Variants in PACSIN2 observed in about 807,000 individuals in gnomAD.
The protein encoded by PACSIN2 is protein kinase C and casein kinase substrate in neurons 2, also known as protein kinase C and casein kinase substrate in neurons protein 2.
In PACSIN2, 25 loss-of-function variants were observed where a neutral mutation model predicts 63.8. The observed-to-expected ratio is 0.39, with a 90% CI of 0.29 to 0.55. The LOEUF is 0.55. Among genes scored for constraint, PACSIN2 ranks in the 20% least tolerant of loss-of-function variants. The pLI, the probability that PACSIN2 is intolerant of heterozygous loss-of-function variation, is 0.62. For synonymous variants in PACSIN2, 255 were observed against 256.2 expected (o/e 1.00, Z 0.05); for missense variants, 518 against 646.9 (o/e 0.80, Z 2.16).
intron 1 of PACSIN2, among the ~76,000 whole-genome samples, chr22:43,014,038 C>T (rs1294194531): frequency 6.6e-6 from 1 of 152,150 alleles, no homozygotes; most frequent in African/African-American, 2.4e-5. Flanking sequence ...GCTCCCCTGA[C>T]CAACCAACTC....
rs533674150 is a variant in PACSIN2 at position 42,907,116 on chromosome 22, C to T, written c.60+4905G>A. 3.3e-5 allele frequency among the ~76,000 whole-genome samples: 5 copies of T among 152,326 alleles called. No homozygotes were observed. The South Asian group carries it at 1.0e-3, about 32-fold the overall frequency. On this transcript the variant is annotated intron_variant, in intron 2 of 10. Coordinates refer to ENST00000263246, the MANE Select transcript of PACSIN2 (RefSeq NM_001184970.3). ...CTCCAAGCCACACCAGGCAGGGTCACAGATCTTTGTGGATGGGAGCCTGGG... is the reference window on the plus strand; with the variant it reads ...CTCCAAGCCACACCAGGCAGGGTCATAGATCTTTGTGGATGGGAGCCTGGG...
chr22:42,980,612 G>T (rs1366513732), intron 1 of PACSIN2, among the ~76,000 whole-genome samples: 3 of 132,322 alleles, frequency 2.3e-5, no homozygotes, highest in African/African-American at 5.7e-5. Flanking sequence ...TCAGCCTGCC[G>T]AGTGCCTGCG....
intron 1 of PACSIN2, among the ~76,000 whole-genome samples, chr22:42,913,480 C>CA (rs138842796): frequency 0.019 from 1,704 of 91,842 alleles, 6 homozygotes; most frequent in Non-Finnish European, 0.025. Context: ...ACTCCGTCTC[C>CA]AAAAAAAAAA....
chr22:42,966,127 T>G (rs1920952792), intron 1 of PACSIN2, among the ~76,000 whole-genome samples: 1 of 152,140 alleles, frequency 6.6e-6, no homozygotes, highest in Admixed American at 6.5e-5. Flanking sequence ...ATCCCAGCAC[T>G]TTGGGAGGCT....
At chr22:43,010,398 A>ATT (rs1555950816) in intron 1 of PACSIN2, among the ~76,000 whole-genome samples, 4,328 of 126,390 alleles carry the variant, frequency 0.034, 318 homozygotes, top group African/African-American at 0.12. Flanking sequence ...ATATATATAT[A>ATT]TTTTTTTTTA....
chr22:42,997,626 A>G (rs1191869352), intron 1 of PACSIN2, among the ~76,000 whole-genome samples: 1 of 152,090 alleles, frequency 6.6e-6, no homozygotes, highest in Non-Finnish European at 1.5e-5. Flanking sequence ...ATTGAATTGC[A>G]TGCAAAAATG....
chr22:43,006,087 T>G (rs78755475), intron 1 of PACSIN2, among the ~76,000 whole-genome samples: 1,683 of 152,190 alleles, frequency 0.011, 29 homozygotes, highest in African/African-American at 0.038. Flanking sequence ...GCCACTGCAC[T>G]CAGCCACTCA....
chr22:43,001,424 T>G (rs944917658), intron 1 of PACSIN2, among the ~76,000 whole-genome samples: 1 of 152,224 alleles, frequency 6.6e-6, no homozygotes, highest in African/African-American at 2.4e-5. Context: ...ATTTCCACAC[T>G]TGTGATAAAA....
Position 42,906,841 on chromosome 22 carries a change from A to G in PACSIN2, c.60+5180T>C, listed in dbSNP as rs974750522. Among the ~76,000 whole-genome samples, 3 of 152,272 alleles carry G rather than the reference A, an allele frequency of 2.0e-5. No homozygotes were observed. The East Asian group carries it at 5.8e-4, about 29-fold the overall frequency. ...TACATTTTGTGTGTAACATCGGGGT[A>G]GGAAAAAGAGTTTTTGCCAAAAGAG... On this transcript the variant is annotated intron_variant, in intron 2 of 10. Coordinates refer to ENST00000263246, the MANE Select transcript of PACSIN2 (RefSeq NM_001184970.3).
At chr22:42,887,883 G>A (rs529293962) in intron 5 of PACSIN2, among the ~76,000 whole-genome samples, 1 of 152,228 alleles carries the variant, frequency 6.6e-6, no homozygotes, top group Admixed American at 6.5e-5. Context: ...ACAGTGCCTG[G>A]TCACGGTCTC....
intron 1 of PACSIN2, among the ~76,000 whole-genome samples, chr22:42,940,687 C>T (rs1933117986): frequency 6.6e-6 from 1 of 152,196 alleles, no homozygotes; most frequent in Non-Finnish European, 1.5e-5. Context: ...ACCGCCACCA[C>T]CTCCTCCCCT....
chr22:42,993,165 T>C (rs1445606081), intron 1 of PACSIN2, among the ~76,000 whole-genome samples: 1 of 147,078 alleles, frequency 6.8e-6, no homozygotes, highest in Non-Finnish European at 1.5e-5. Context: ...AGAACAAGAC[T>C]CCATCTCAAA....
chr22:42,978,980 G>C (rs1290139533), intron 1 of PACSIN2, among the ~76,000 whole-genome samples: 1 of 152,146 alleles, frequency 6.6e-6, no homozygotes, highest in African/African-American at 2.4e-5. Flanking sequence ...GCTCAGGTTA[G>C]CTGGTGACCT....
intron 1 of PACSIN2, among the ~76,000 whole-genome samples, chr22:42,944,114 T>G (rs1006781094): frequency 1.3e-5 from 2 of 152,134 alleles, no homozygotes; most frequent in Non-Finnish European, 2.9e-5. Context: ...GCCCCCAGCC[T>G]CTCCTGTCTA....
At chr22:42,911,360 T>C (rs113850279) in intron 2 of PACSIN2, among the ~76,000 whole-genome samples, 4 of 145,060 alleles carry the variant, frequency 2.8e-5, no homozygotes, top group African/African-American at 1.0e-4. Flanking sequence ...CAGTGAGCCA[T>C]GATGGTGCCA....
intron 1 of PACSIN2, among the ~76,000 whole-genome samples, chr22:42,924,536 G>A (rs898395514): frequency 4.6e-5 from 7 of 151,982 alleles, no homozygotes; most frequent in Non-Finnish European, 1.0e-4. Flanking sequence ...AAAAGCCCAG[G>A]TCCTCCCAGC....
intron 1 of PACSIN2, among the ~76,000 whole-genome samples, chr22:42,985,653 G>GAC (rs369183239): frequency 1.3e-5 from 2 of 152,106 alleles, no homozygotes; most frequent in Non-Finnish European, 2.9e-5. Context: ...CCCTCCAACA[G>GAC]ACACACACAC....
intron 1 of PACSIN2, among the ~76,000 whole-genome samples, chr22:42,927,621 CTT>C (rs954425841): frequency 2.0e-5 from 3 of 151,984 alleles, no homozygotes; most frequent in African/African-American, 7.3e-5. Context: ...GAGTTTTGCT[CTT>C]CTTGCCCAAG....
At chr22:42,984,772 C>A (rs780354284) in intron 1 of PACSIN2, among the ~76,000 whole-genome samples, 3 of 152,110 alleles carry the variant, frequency 2.0e-5, no homozygotes, top group Non-Finnish European at 4.4e-5. Flanking sequence ...ACAAGGAGGG[C>A]AGAAAACATC....
Sources: gnomAD v4.1 joint callset for allele counts (sites outside exome capture counted in the v4.1 genomes callset) on GRCh38, gnomAD v4.1.1 for gene constraint, MANE v1.5 for transcripts, NCBI Gene and HGNC (gene_info 2026-07-23, HGNC 2026-07-21) for gene names.